Variants in DLG2 observed in about 807,000 individuals in gnomAD.
DLG2 encodes the protein disks large homolog 2.
DLG2 carries 45 observed loss-of-function variants against 132.5 expected under a neutral mutation model. The observed-to-expected ratio is 0.34, with a 90% CI of 0.27 to 0.44. DLG2 has a LOEUF of 0.44. Among genes scored for constraint, DLG2 ranks in the 20% least tolerant of loss-of-function variants. The pLI is 1.00. For synonymous variants in DLG2, 424 were observed against 419.6 expected, an observed-to-expected ratio of 1.01 and a Z score of -0.13; for missense variants, 1,045 against 1,196.9, an observed-to-expected ratio of 0.87 and a Z score of 1.87.
intron 6 of DLG2, among the ~76,000 whole-genome samples, chr11:85,082,546 G>T (rs1267216400): frequency 6.6e-6 from 1 of 151,986 alleles, no homozygotes; most frequent in African/African-American, 2.4e-5. Flanking sequence ...GAGGTAAGTT[G>T]CACCTTTATA....
Position 84,272,246 on chromosome 11 carries a change from C to T in DLG2, c.520-20955G>A, listed in dbSNP as rs958802631. 6 of 420,770 alleles carry T rather than the reference C, an allele frequency of 1.4e-5. No homozygotes were observed. In the Admixed American group the frequency reaches 1.6e-4, roughly 11 times the overall value. The allele number at this position is 420,770 out of a possible 1,614,324, so 26.1% of individuals were successfully genotyped here. On this transcript the variant is annotated intron_variant, in intron 7 of 27. Transcript: ENST00000376104. ...GAAGTTACAGGGAAAAATATGATGG[C>T]ATCTAACTTGAGTCACTTGAAAATA...
chr11:84,488,348 A>G (rs1265556260), intron 7 of DLG2, among the ~76,000 whole-genome samples: 1 of 152,112 alleles, frequency 6.6e-6, no homozygotes, highest in South Asian at 2.1e-4. Flanking sequence ...TCGGGTAAGG[A>G]TGGTAAGATG....
intron 6 of DLG2, among the ~76,000 whole-genome samples, chr11:84,662,465 G>C (rs1247274184): frequency 6.6e-6 from 1 of 151,592 alleles, no homozygotes. Flanking sequence ...ATGAACCACT[G>C]TGCCTGGCCA....
chr11:84,833,407 C>T (rs919992910), intron 6 of DLG2, among the ~76,000 whole-genome samples: 1 of 151,466 alleles, frequency 6.6e-6, no homozygotes, highest in Non-Finnish European at 1.5e-5. Context: ...TATCTCACCC[C>T]TAAAATGTGT....
At chr11:84,812,082 G>T (rs180793000) in intron 6 of DLG2, among the ~76,000 whole-genome samples, 2 of 152,056 alleles carry the variant, frequency 1.3e-5, no homozygotes, top group African/African-American at 2.4e-5. Context: ...AGATAAAAGC[G>T]TTTCAGACAC....
rs113774519 is a variant in DLG2 at position 84,251,527 on chromosome 11, C to T, written c.520-236G>A. 5.0e-3 allele frequency among the ~76,000 whole-genome samples: 753 copies of T among 151,684 alleles called. 8 individuals are homozygous for T. Among genetic ancestry groups the T allele is most frequent in the African/African-American group, 0.016 (676 of 41,386 alleles). On this transcript the variant is annotated intron_variant, in intron 7 of 27. Coordinates refer to ENST00000376104, the MANE Select transcript of DLG2 (RefSeq NM_001142699.3). ...ATTAAGTAAGCATTCATATAATTTACATTCATTTTCTCTTACATTCTACAA... is the reference window on the plus strand; with the variant it reads ...ATTAAGTAAGCATTCATATAATTTATATTCATTTTCTCTTACATTCTACAA...
At chr11:84,682,835 T>C (rs2153710139) in intron 6 of DLG2, among the ~76,000 whole-genome samples, 1 of 152,276 alleles carries the variant, frequency 6.6e-6, no homozygotes, top group African/African-American at 2.4e-5. Flanking sequence ...TCTCACACCC[T>C]TCTTCTTGTA....
At chr11:84,528,675 C>T (rs1007618309) in intron 7 of DLG2, among the ~76,000 whole-genome samples, 8 of 152,102 alleles carry the variant, frequency 5.3e-5, no homozygotes, top group African/African-American at 1.9e-4. Context: ...TAGTGTTTGA[C>T]CCAAGAATAC....
intron 7 of DLG2, among the ~76,000 whole-genome samples, chr11:84,494,054 T>A (rs2154498816): frequency 6.6e-6 from 1 of 152,270 alleles, no homozygotes; most frequent in South Asian, 2.1e-4. Flanking sequence ...TCATGGCACA[T>A]AAAAGACAGA....
intron 6 of DLG2, among the ~76,000 whole-genome samples, chr11:84,718,766 G>T (rs2061487286): frequency 6.6e-6 from 1 of 152,172 alleles, no homozygotes; most frequent in African/African-American, 2.4e-5. Context: ...GTGGCAGGTT[G>T]TATGGGAGAG....
intron 17 of DLG2, among the ~76,000 whole-genome samples, chr11:83,812,426 T>C (rs566075994): frequency 6.6e-6 from 1 of 152,254 alleles, no homozygotes; most frequent in African/African-American, 2.4e-5. Context: ...GGCTGTGTCA[T>C]GTCATGTACT....
intron 6 of DLG2, chr11:84,955,530 T>C (rs977579948): frequency 2.6e-5 from 4 of 152,200 alleles, no homozygotes; most frequent in South Asian, 2.1e-4. Context: ...AACATGACAG[T>C]ACTTCTCAAA....
Position 84,350,110 on chromosome 11 carries a change from G to A in DLG2, c.520-98819C>T, listed in dbSNP as rs147836664. Among the ~76,000 whole-genome samples, 454 of 150,990 alleles carry A rather than the reference G, an allele frequency of 3.0e-3. 16 individuals are homozygous for A. In the East Asian group the frequency reaches 0.069, roughly 23 times the overall value. On this transcript the variant is annotated intron_variant, in intron 7 of 27. Coordinates refer to ENST00000376104, the MANE Select transcript of DLG2 (RefSeq NM_001142699.3). ...GGAGAATGGCGTGAACCCGGGAGGC[G>A]GAGCTTGCAGTGAGCCGAGATTGCG...
intron 3 of DLG2, among the ~76,000 whole-genome samples, chr11:85,474,439 A>G (rs188659409): frequency 2.0e-5 from 3 of 152,112 alleles, no homozygotes; most frequent in Admixed American, 6.5e-5. Context: ...CTTTTAAAAT[A>G]TATTTCCATT....
intron 7 of DLG2, among the ~76,000 whole-genome samples, chr11:84,364,607 T>C (rs1279683108): frequency 1.3e-5 from 2 of 152,182 alleles, no homozygotes; most frequent in African/African-American, 2.4e-5. Context: ...AAGGGAATGC[T>C]TCCAGTTTTT....
At chr11:84,588,671 A>T (rs981404517) in intron 6 of DLG2, among the ~76,000 whole-genome samples, 4 of 151,804 alleles carry the variant, frequency 2.6e-5, no homozygotes, top group Non-Finnish European at 4.4e-5. Flanking sequence ...ATAAGATAGG[A>T]GGTTGGCACA....
At chr11:83,876,751 C>T (rs1300784725) in intron 15 of DLG2, among the ~76,000 whole-genome samples, 1 of 152,128 alleles carries the variant, frequency 6.6e-6, no homozygotes, top group African/African-American at 2.4e-5. Flanking sequence ...ACTTTCCATT[C>T]TATCTTACTG....
At chr11:85,129,513 T>C (rs555044512) in intron 5 of DLG2, among the ~76,000 whole-genome samples, 1 of 152,312 alleles carries the variant, frequency 6.6e-6, no homozygotes, top group South Asian at 2.1e-4. Flanking sequence ...TGGTATCTCA[T>C]TGTGGTTTTG....
intron 6 of DLG2, among the ~76,000 whole-genome samples, chr11:85,104,155 G>T (rs947483586): frequency 4.0e-5 from 6 of 151,806 alleles, no homozygotes; most frequent in African/African-American, 1.4e-4. Flanking sequence ...GTTTGACAGG[G>T]ACTCAAAAAG....
Sources: allele counts gnomAD v4.1 joint callset (sites outside exome capture counted in the v4.1 genomes callset), GRCh38; gene constraint gnomAD v4.1.1; transcripts MANE v1.5; gene names NCBI Gene and HGNC (gene_info 2026-07-23, HGNC 2026-07-21).